The following SAMD12 variants were observed in gnomAD, a reference collection of about 807,000 sequenced individuals.
SAMD12 encodes sterile alpha motif domain containing 12.
SAMD12 carries 9 observed loss-of-function variants against 15.0 expected under a neutral mutation model. That is an observed-to-expected ratio of 0.60 (90% CI 0.36 to 1.05). The LOEUF is 1.05. Ranked by LOEUF, SAMD12 falls within the 50% of genes least tolerant of loss-of-function variation. SAMD12 has a pLI of 0.01. For synonymous variants in SAMD12, 86 were observed against 90.1 expected, an observed-to-expected ratio of 0.96 and a Z score of 0.25; for missense variants, 230 against 234.2, an observed-to-expected ratio of 0.98 and a Z score of 0.12.
At chr8:118,360,147 T>C (rs1417806769) in intron 4 of SAMD12, among the ~76,000 whole-genome samples, 1 of 152,158 alleles carries the variant, frequency 6.6e-6, no homozygotes, top group African/African-American at 2.4e-5. Flanking sequence ...CTTCTTCAAC[T>C]CTTTCTCAAC....
intron 1 of SAMD12, among the ~76,000 whole-genome samples, chr8:118,590,483 C>T (rs72678171): frequency 0.018 from 2,669 of 152,294 alleles, 38 homozygotes; most frequent in African/African-American, 0.036. Flanking sequence ...GCCTTCCTTC[C>T]TGCGATTGTG....
At chr8:118,348,958 T>G (rs1051647265) in intron 4 of SAMD12, among the ~76,000 whole-genome samples, 1 of 152,190 alleles carries the variant, frequency 6.6e-6, no homozygotes, top group Admixed American at 6.5e-5. Flanking sequence ...CACCATTAAT[T>G]TCCTGGGAGT....
At chr8:118,501,943 T>TG (rs1161330473) in intron 2 of SAMD12, among the ~76,000 whole-genome samples, 8 of 133,512 alleles carry the variant, frequency 6.0e-5, no homozygotes, top group South Asian at 2.3e-4. Flanking sequence ...CACGAACCCG[T>TG]TGGGGGGCGG....
chr8:118,292,261 C>A (rs2875791), intron 4 of SAMD12, among the ~76,000 whole-genome samples: 52,291 of 149,674 alleles, frequency 0.35, 10,673 homozygotes, highest in African/African-American at 0.57. Context: ...ACTCTTATAA[C>A]CAAACACCAC....
At chr8:118,429,910 A>G (rs1315098215) in intron 3 of SAMD12, among the ~76,000 whole-genome samples, 2 of 151,380 alleles carry the variant, frequency 1.3e-5, no homozygotes, top group African/African-American at 2.5e-5. Context: ...ACAAAAATAG[A>G]TTAAAAAAAA....
At chr8:118,509,746 A>G (rs568023521) in intron 2 of SAMD12, among the ~76,000 whole-genome samples, 210 of 152,062 alleles carry the variant, frequency 1.4e-3, no homozygotes, top group Non-Finnish European at 2.4e-3. Context: ...ATTTACACAT[A>G]ATTTAAGTGT....
chr8:118,412,944 G>A (rs1821485472), intron 3 of SAMD12, among the ~76,000 whole-genome samples: 1 of 152,108 alleles, frequency 6.6e-6, no homozygotes, highest in Non-Finnish European at 1.5e-5. Flanking sequence ...GCTAGCAAAT[G>A]TGACACAAGT....
chr8:118,328,828 C>T (rs11784330), intron 4 of SAMD12, among the ~76,000 whole-genome samples: 14,052 of 152,168 alleles, frequency 0.092, 847 homozygotes, highest in Non-Finnish European at 0.12. Context: ...TATCACTGGT[C>T]ATATCATCCT....
chr8:118,448,297 C>T (rs1586725730), intron 2 of SAMD12, among the ~76,000 whole-genome samples: 2 of 152,194 alleles, frequency 1.3e-5, no homozygotes, highest in Non-Finnish European at 2.9e-5. Context: ...TTACCGTGCT[C>T]CACTATTTAT....
chr8:118,303,158 G>A (rs1815136205), intron 4 of SAMD12, among the ~76,000 whole-genome samples: 1 of 152,230 alleles, frequency 6.6e-6, no homozygotes, highest in Admixed American at 6.5e-5. Context: ...AGGAAAGCAA[G>A]AGAAGGATAT....
the SAMD12 span, among the ~76,000 whole-genome samples, chr8:118,161,561 T>TAA: frequency 0.021 from 2,688 of 126,654 alleles, 97 homozygotes; most frequent in African/African-American, 0.073. Context: ...TAAGACTGTC[T>TAA]AAAAAAAAAA....
intron 2 of SAMD12, among the ~76,000 whole-genome samples, chr8:118,495,590 A>G (rs1327788911): frequency 6.8e-6 from 1 of 147,826 alleles, no homozygotes. Flanking sequence ...TAATTTGTCT[A>G]ATTTTTGGTT....
intron 4 of SAMD12, among the ~76,000 whole-genome samples, chr8:118,230,410 T>C (rs926512632): frequency 2.0e-5 from 3 of 152,164 alleles, no homozygotes; most frequent in Admixed American, 2.0e-4. Context: ...AGGAGAGCTA[T>C]TCCAACTACT....
At chr8:118,150,440 G>A in the SAMD12 span, among the ~76,000 whole-genome samples, 1 of 152,064 alleles carries the variant, frequency 6.6e-6, no homozygotes, top group African/African-American at 2.4e-5. Context: ...GAGTGTAGTG[G>A]TACAGTCACA....
the SAMD12 span, among the ~76,000 whole-genome samples, chr8:118,139,792 C>T: frequency 2.0e-5 from 3 of 152,220 alleles, no homozygotes; most frequent in African/African-American, 7.2e-5. Flanking sequence ...TCTTCCCACC[C>T]ACCTACCAAA....
chr8:118,407,781 T>A (rs543893373), intron 3 of SAMD12, among the ~76,000 whole-genome samples: 7 of 152,160 alleles, frequency 4.6e-5, no homozygotes, highest in Non-Finnish European at 1.0e-4. Flanking sequence ...CTTCCTCCAA[T>A]TGCACCTTTG....
At chr8:118,469,947 A>G (rs1187212766) in intron 2 of SAMD12, among the ~76,000 whole-genome samples, 1 of 152,190 alleles carries the variant, frequency 6.6e-6, no homozygotes, top group Non-Finnish European at 1.5e-5. Context: ...GTGACAGAGA[A>G]GTGTCTTAAT....
chr8:118,587,860 C>A (rs1390099448), intron 1 of SAMD12, among the ~76,000 whole-genome samples: 1 of 152,158 alleles, frequency 6.6e-6, no homozygotes, highest in African/African-American at 2.4e-5. Context: ...TGAACCCCTG[C>A]AAAATGACAC....
At chr8:118,284,431 T>C in intron 4 of SAMD12, 1 of 452,430 alleles carries the variant, frequency 2.2e-6, no homozygotes, top group East Asian at 7.0e-5. Context: ...AGTGAGTGAT[T>C]CTGCCTGCCT....
Sources: allele counts gnomAD v4.1 joint callset (sites outside exome capture counted in the v4.1 genomes callset), GRCh38; gene constraint gnomAD v4.1.1; transcripts MANE v1.5; gene names NCBI Gene and HGNC (gene_info 2026-07-23, HGNC 2026-07-21).